The following DLGAP1 variants were observed in gnomAD, a reference collection of about 807,000 sequenced individuals.
DLGAP1 encodes DLG associated protein 1.
A neutral mutation model predicts 90.8 loss-of-function variants in DLGAP1; 11 were observed. The observed-to-expected ratio is 0.12, with a 90% confidence interval of 0.08 to 0.20. The LOEUF is 0.20. Ranked by LOEUF, DLGAP1 falls within the 10% of genes least tolerant of loss-of-function variation. The pLI is 1.00. For synonymous variants in DLGAP1, 558 were observed against 540.7 expected, an observed-to-expected ratio of 1.03 and a Z score of -0.44; for missense variants, 1,050 against 1,333.8, an observed-to-expected ratio of 0.79 and a Z score of 3.31.
intron 2 of DLGAP1, among the ~76,000 whole-genome samples, chr18:4,131,197 CGTGTGT>C (rs151048659): frequency 2.7e-5 from 4 of 150,650 alleles, no homozygotes; most frequent in Non-Finnish European, 5.9e-5. Flanking sequence ...AAAACGTGGG[CGTGTGT>C]GTGTGTGTGC....
intron 1 of DLGAP1, among the ~76,000 whole-genome samples, chr18:4,268,426 C>T (rs2079179800): frequency 6.6e-6 from 1 of 152,090 alleles, no homozygotes; most frequent in Admixed American, 6.6e-5. Context: ...TATAGACAGA[C>T]TGGAGTGAAT....
intron 3 of DLGAP1, among the ~76,000 whole-genome samples, chr18:4,001,329 C>T (rs1270956916): frequency 6.7e-6 from 1 of 149,500 alleles, no homozygotes; most frequent in Non-Finnish European, 1.5e-5. Context: ...TTAAAAGCTG[C>T]TATCTTTTTT....
intron 1 of DLGAP1, among the ~76,000 whole-genome samples, chr18:4,301,243 C>T (rs898879006): frequency 2.0e-5 from 3 of 152,108 alleles, no homozygotes; most frequent in Admixed American, 2.0e-4. Context: ...AACTCATATT[C>T]CTCCTATCTA....
intron 1 of DLGAP1, among the ~76,000 whole-genome samples, chr18:4,210,216 C>T (rs1021647079): frequency 6.6e-6 from 1 of 152,156 alleles, no homozygotes; most frequent in Non-Finnish European, 1.5e-5. Flanking sequence ...AAGGGTGGCA[C>T]CAGTTATATT....
At chr18:3,627,996 A>C (rs2058365713) in intron 7 of DLGAP1, among the ~76,000 whole-genome samples, 1 of 148,566 alleles carries the variant, frequency 6.7e-6, no homozygotes, top group Non-Finnish European at 1.5e-5. Context: ...CTCCTGCCAC[A>C]GCCTCCCGAG....
chr18:3,896,706 CCTT>C (rs980699239), intron 3 of DLGAP1: 7 of 152,346 alleles, frequency 4.6e-5, no homozygotes, highest in African/African-American at 1.7e-4. Context: ...GTCTCTTTGA[CCTT>C]CTCCCAGCCT....
chr18:3,704,723 C>T (rs1046972789), intron 7 of DLGAP1, among the ~76,000 whole-genome samples: 9 of 152,074 alleles, frequency 5.9e-5, no homozygotes, highest in East Asian at 5.8e-4. Flanking sequence ...CATGCCTCTC[C>T]ACTTCCCAGC....
intron 2 of DLGAP1, among the ~76,000 whole-genome samples, chr18:4,064,818 GGATCCT>G (rs1170897835): frequency 1.3e-5 from 2 of 151,646 alleles, no homozygotes; most frequent in African/African-American, 4.8e-5. Context: ...TAATAAGGAG[GGATCCT>G]CCCTGAAGTA....
At chr18:4,056,471 G>C (rs76252857) in intron 2 of DLGAP1, among the ~76,000 whole-genome samples, 9,765 of 152,218 alleles carry the variant, frequency 0.064, 372 homozygotes, top group Middle Eastern at 0.16. Flanking sequence ...ATGAGATCTG[G>C]GTGGTACATT....
At chr18:4,297,402 C>T (rs913335650) in intron 1 of DLGAP1, among the ~76,000 whole-genome samples, 1 of 152,046 alleles carries the variant, frequency 6.6e-6, no homozygotes, top group Non-Finnish European at 1.5e-5. Context: ...GAAAAATCAA[C>T]AAAACTTTAT....
chr18:3,583,210 C>G (rs1383168339), intron 7 of DLGAP1, among the ~76,000 whole-genome samples: 1 of 151,264 alleles, frequency 6.6e-6, no homozygotes, highest in African/African-American at 2.4e-5. Flanking sequence ...TCCTTCCTTC[C>G]TTCCCTCCTC....
At chr18:4,167,619 T>C (rs751055756) in intron 1 of DLGAP1, among the ~76,000 whole-genome samples, 22 of 152,212 alleles carry the variant, frequency 1.4e-4, no homozygotes, top group Non-Finnish European at 2.8e-4. Context: ...TAGAAACCAG[T>C]AAAACTGCTA....
chr18:4,296,226 T>C (rs1008367384), intron 1 of DLGAP1, among the ~76,000 whole-genome samples: 2 of 152,168 alleles, frequency 1.3e-5, no homozygotes, highest in African/African-American at 4.8e-5. Flanking sequence ...TACCTTCTAG[T>C]AAACAGTACA....
chr18:4,040,114 C>CTGT (rs1210810908), intron 2 of DLGAP1, among the ~76,000 whole-genome samples: 2 of 152,168 alleles, frequency 1.3e-5, no homozygotes, highest in African/African-American at 4.8e-5. Flanking sequence ...CAGCTGTAGC[C>CTGT]TAATGGTTAA....
intron 7 of DLGAP1, among the ~76,000 whole-genome samples, chr18:3,707,551 G>T (rs2061472834): frequency 6.6e-6 from 1 of 150,952 alleles, no homozygotes; most frequent in African/African-American, 2.4e-5. Context: ...AGTGAGCCGA[G>T]ATCACGCCAC....
rs553755941 is a variant in DLGAP1 at position 4,028,988 on chromosome 18, T to G, written c.-158-23787A>C. Among the ~76,000 whole-genome samples, 8 of 152,286 alleles carry G rather than the reference T, an allele frequency of 5.3e-5. No individual in the cohort carries two copies. In the South Asian group the frequency reaches 1.2e-3, roughly 24 times the overall value. On this transcript the variant is annotated intron_variant, in intron 2 of 12. Coordinates refer to ENST00000315677, the MANE Select transcript of DLGAP1 (RefSeq NM_004746.4). Reference sequence around the variant, plus strand: ...AGTCATTCCTCCCATTCAACAAAAATTTTATATTATTTGATCATCATTTCT... The same window carrying G: ...AGTCATTCCTCCCATTCAACAAAAAGTTTATATTATTTGATCATCATTTCT...
intron 2 of DLGAP1, among the ~76,000 whole-genome samples, chr18:4,067,543 T>G (rs1406295986): frequency 1.3e-5 from 2 of 151,802 alleles, no homozygotes; most frequent in African/African-American, 4.8e-5. Context: ...TTTGTAGCAA[T>G]AAGATACTAA....
intron 2 of DLGAP1, among the ~76,000 whole-genome samples, chr18:4,125,247 T>C (rs1032474357): frequency 1.3e-5 from 2 of 152,158 alleles, no homozygotes; most frequent in Non-Finnish European, 1.5e-5. Context: ...GCAGTGCATA[T>C]GTTTGAAATG....
chr18:3,747,165 A>G (rs970338077), intron 5 of DLGAP1, among the ~76,000 whole-genome samples: 6 of 152,338 alleles, frequency 3.9e-5, no homozygotes, highest in Non-Finnish European at 8.8e-5. Context: ...CCTGGGCTAC[A>G]TAGTGAGGCC....
Sources: gnomAD v4.1 joint callset for allele counts (sites outside exome capture counted in the v4.1 genomes callset) on GRCh38, gnomAD v4.1.1 for gene constraint, MANE v1.5 for transcripts, NCBI Gene and HGNC (gene_info 2026-07-23, HGNC 2026-07-21) for gene names.